The following ZNF488 variants were observed in gnomAD, a reference collection of about 807,000 sequenced individuals.
ZNF488 encodes zinc finger protein 488.
In ZNF488, 1 loss-of-function variant was observed where a neutral mutation model predicts 1.2. The observed-to-expected ratio is 0.86, with a 90% CI of 0.30 to 4.07. ZNF488 has a LOEUF of 4.07. ZNF488 is among the 30% of genes most tolerant of loss of function. The pLI is 0.18. For missense variants in ZNF488, 450 were observed against 437.9 expected (o/e 1.03, Z -0.25); for synonymous variants, 185 against 190.1 (o/e 0.97, Z 0.22).
chr10:47,378,024 T>A (rs1423793093), intron 1 of ZNF488, among the ~76,000 whole-genome samples: 1 of 151,996 alleles, frequency 6.6e-6, no homozygotes, highest in East Asian at 1.9e-4. Context: ...GGTCTGGCTG[T>A]GCCTGGCCCC....
intron 1 of ZNF488, among the ~76,000 whole-genome samples, chr10:47,373,758 C>T (rs1201418231): frequency 5.9e-5 from 9 of 152,312 alleles, no homozygotes; most frequent in East Asian, 1.9e-4. Context: ...CTTCCATAGA[C>T]GGAACATCAC....
chr10:47,366,127 T>G lies in ZNF488; in HGVS notation c.*1680A>C, dbSNP rs1434481945. 1 of 167,136 alleles carries G rather than the reference T, an allele frequency of 6.0e-6. No individual in the cohort carries two copies. The highest frequency in any genetic ancestry group is 1.5e-5 in the Non-Finnish European group (1 of 68,136). 10.4% of individuals were successfully genotyped at this position (167,136 alleles called of 1,614,324 possible). A position where few individuals can be genotyped will look rare whatever the true frequency, so the allele number is the denominator to read the frequency against. ...TGTATTCTTCCAGTGCTTATGCTAT[T>G]GCCTGGCACACAGGGAGAGTGAAAT... is the stretch of plus-strand genomic sequence containing the variant. On this transcript the variant is annotated 3_prime_UTR_variant, in exon 2 of 2. Transcript: ENST00000585316.
intron 1 of ZNF488, among the ~76,000 whole-genome samples, chr10:47,370,366 T>G (rs1555213695): frequency 6.6e-6 from 1 of 152,260 alleles, no homozygotes; most frequent in Non-Finnish European, 1.5e-5. Flanking sequence ...TCATCTCCCC[T>G]TGGTTCCAAC....
At chr10:47,375,885 C>A (rs1288533401) in intron 1 of ZNF488, among the ~76,000 whole-genome samples, 1 of 152,122 alleles carries the variant, frequency 6.6e-6, no homozygotes, top group African/African-American at 2.4e-5. Flanking sequence ...AAAGGGCAGA[C>A]AGATACAAAG....
At chr10:47,373,614 A>G (rs782197299) in intron 1 of ZNF488, among the ~76,000 whole-genome samples, 1 of 152,142 alleles carries the variant, frequency 6.6e-6, no homozygotes, top group Non-Finnish European at 1.5e-5. Flanking sequence ...ACGTTCATTT[A>G]TTTCTTTGTG....
rs118026184 is a variant in ZNF488, at chr10:47,372,020, G to T, written c.-108-3083C>A. Among the ~76,000 whole-genome samples, 38 of 152,220 alleles carry T rather than the reference G, an allele frequency of 2.5e-4. 1 individual carries two copies. The East Asian group carries it at 5.0e-3, about 20-fold the overall frequency. On this transcript the variant is annotated intron_variant, in intron 1 of 1. Transcript: ENST00000585316. ...CTTTGGAAGAAGGGTGAAATGCCTG[G>T]GCACTCAGATCAGATCAGATCAGCT...
chr10:47,377,711 A>G (rs1315775529), intron 1 of ZNF488, among the ~76,000 whole-genome samples: 1 of 123,256 alleles, frequency 8.1e-6, no homozygotes, highest in African/African-American at 3.2e-5. Flanking sequence ...ACACACACAC[A>G]CACACACGGC....
intron 1 of ZNF488, among the ~76,000 whole-genome samples, chr10:47,376,003 T>C (rs1424081148): frequency 1.3e-5 from 2 of 152,206 alleles, no homozygotes; most frequent in African/African-American, 4.8e-5. Context: ...TAAGATCACA[T>C]GGTCTAGCCA....
intron 1 of ZNF488, 34 bp from the exon 2 acceptor site, chr10:47,368,971 G>C: frequency 1.0e-6 from 1 of 963,334 alleles, no homozygotes; most frequent in Non-Finnish European, 1.5e-6. Flanking sequence ...CAGTGAGATG[G>C]GCATTCATCA....
Position 47,367,903 on chromosome 10 carries a change from A to G in ZNF488, c.927T>C (p.Ser309=). 1 of 1,614,044 alleles carries G rather than the reference A, an allele frequency of 6.2e-7. No homozygotes were observed. Among genetic ancestry groups the G allele is most frequent in the Non-Finnish European group, 8.5e-7 (1 of 1,180,032 alleles). The change falls in exon 2 of 2, where the codon TCT becomes TCC. Residue 309 remains serine, a synonymous_variant. Coordinates refer to ENST00000585316, the MANE Select transcript of ZNF488 (RefSeq NM_153034.4). ...CAAGGGCCTCTTCTCTCCGCTTCTG[A>G]GAATGTGGGTCAGGCCCCGCATGCT... ...KKEHAGPDPH[S]QKRREEALAC...
chr10:47,367,574 AG>A lies in ZNF488; in HGVS notation c.*232del, dbSNP rs1203743269. 1.7e-6 allele frequency: 1 copy of A among 583,388 alleles called. No homozygotes were observed. The highest frequency in any genetic ancestry group is 1.9e-5 in the African/African-American group (1 of 53,246). 36.1% of individuals were successfully genotyped at this position (583,388 alleles called of 1,614,324 possible). A position where few individuals can be genotyped will look rare whatever the true frequency, so the allele number is the denominator to read the frequency against. On this transcript the variant is annotated 3_prime_UTR_variant, in exon 2 of 2. Transcript: ENST00000585316. ...GTTGCCCCTGCTCTCTGTGCCTGTT[AG>A]GGCCTCTACCCTGGATTTGCAAAGC... is the stretch of plus-strand genomic sequence containing the variant.
At chr10:47,377,817 C>T (rs1467180571) in intron 1 of ZNF488, among the ~76,000 whole-genome samples, 5 of 152,202 alleles carry the variant, frequency 3.3e-5, no homozygotes, top group Non-Finnish European at 7.3e-5. Flanking sequence ...TTCTGCCTGC[C>T]AGCTCTGACT....
Position 47,367,458 on chromosome 10 carries a change from G to T in ZNF488, c.*349C>A. On this transcript the variant is annotated 3_prime_UTR_variant, in exon 2 of 2. Transcript: ENST00000585316. The stretch of plus-strand genomic sequence containing the variant: ...GAAAATGGGGACTCAGCAGGTTAAA[G>T]CTCTTTGTCCAGGGTCACAGCTAGT... 1 of 286,422 alleles carries T rather than the reference G, an allele frequency of 3.5e-6. No individual in the cohort carries two copies. Among genetic ancestry groups the T allele is most frequent in the Non-Finnish European group, 6.9e-6 (1 of 144,998 alleles). 17.7% of individuals were successfully genotyped at this position (286,422 alleles called of 1,614,324 possible).
chr10:47,375,186 CT>C (rs1463890678), intron 1 of ZNF488, among the ~76,000 whole-genome samples: 1 of 152,242 alleles, frequency 6.6e-6, no homozygotes, highest in Non-Finnish European at 1.5e-5. Flanking sequence ...TTCAAGTTAG[CT>C]GTTTTAACTC....
intron 1 of ZNF488, among the ~76,000 whole-genome samples, chr10:47,371,287 G>A (rs566260270): frequency 8.6e-5 from 13 of 152,036 alleles, no homozygotes; most frequent in African/African-American, 1.9e-4. Flanking sequence ...TAAAGACTAC[G>A]CAATAGTATG....
At chr10:47,380,712 G>A (rs573172682) in intron 1 of ZNF488, among the ~76,000 whole-genome samples, 10 of 56,158 alleles carry the variant, frequency 1.8e-4, no homozygotes, top group African/African-American at 8.3e-4. Flanking sequence ...GGTAACCTTC[G>A]AGCCTTCCAT....
At chr10:47,380,885 G>A (rs797034416) in intron 1 of ZNF488, among the ~76,000 whole-genome samples, 4 of 47,698 alleles carry the variant, frequency 8.4e-5, no homozygotes, top group Non-Finnish European at 1.9e-4. Context: ...AAGATTAGAA[G>A]GATTAATATA....
intron 1 of ZNF488, among the ~76,000 whole-genome samples, chr10:47,382,537 T>C (rs1387525124): frequency 2.6e-5 from 4 of 152,162 alleles, no homozygotes; most frequent in Admixed American, 2.0e-4. Context: ...ACGATGATTC[T>C]AAATCATTTG....
intron 1 of ZNF488, among the ~76,000 whole-genome samples, chr10:47,377,903 G>C (rs1381396829): frequency 2.0e-5 from 3 of 152,132 alleles, no homozygotes; most frequent in Non-Finnish European, 4.4e-5. Flanking sequence ...TTTTTCTCCT[G>C]ACCCTCAGGA....
Sources: gnomAD v4.1 joint callset for allele counts (sites outside exome capture counted in the v4.1 genomes callset) on GRCh38, gnomAD v4.1.1 for gene constraint, MANE v1.5 for transcripts, NCBI Gene and HGNC (gene_info 2026-07-23, HGNC 2026-07-21) for gene names.